PCDH15: variants seen among roughly 807,000 people sequenced by gnomAD.
The protein encoded by PCDH15 is protocadherin related 15.
Under a neutral mutation model 178.5 loss-of-function variants are expected in PCDH15, and 129 were observed. The ratio of observed to expected loss-of-function variants is 0.72; its 90% confidence interval spans 0.63 to 0.84. The LOEUF is 0.84. PCDH15 is among the 40% of genes least tolerant of loss of function. The pLI is 0.00. For missense variants in PCDH15, 2,230 were observed against 2,099.9 expected (o/e 1.06, Z -1.21); for synonymous variants, 800 against 732.0 (o/e 1.09, Z -1.50).
chr10:55,438,271 G>C (rs900157820), intron 2 of PCDH15, among the ~76,000 whole-genome samples: 1 of 151,484 alleles, frequency 6.6e-6, no homozygotes, highest in Non-Finnish European at 1.5e-5. Flanking sequence ...TGCCATCTAA[G>C]CATATGTTAC....
intron 2 of PCDH15, among the ~76,000 whole-genome samples, chr10:55,052,533 C>CTAAAAAA (rs1841190948): frequency 1.3e-5 from 1 of 78,022 alleles, no homozygotes; most frequent in African/African-American, 5.0e-5. Flanking sequence ...AACCCCGTCT[C>CTAAAAAA]ATACAAAAAA....
chr10:54,247,342 T>C (rs2056048363), intron 8 of PCDH15, among the ~76,000 whole-genome samples: 1 of 151,966 alleles, frequency 6.6e-6, no homozygotes, highest in Admixed American at 6.6e-5. Context: ...GTCTATTTTC[T>C]TTTATATCTG....
At chr10:53,959,444 A>G (rs1332712552) in intron 23 of PCDH15, among the ~76,000 whole-genome samples, 1 of 152,026 alleles carries the variant, frequency 6.6e-6, no homozygotes, top group African/African-American at 2.4e-5. Flanking sequence ...CACCATTCAG[A>G]TCATTAATTA....
At position 54,373,435 on chromosome 10, in the gene PCDH15, G is replaced by C. The variant is rs755819549; in HGVS notation, c.319-4160C>G. 4.9e-4 allele frequency among the ~76,000 whole-genome samples: 75 copies of C among 151,910 alleles called. 1 individual carries two copies. Among genetic ancestry groups the C allele is most frequent in the Non-Finnish European group, 9.3e-4 (63 of 67,888 alleles). On this transcript the variant is annotated intron_variant, in intron 4 of 37. Coordinates refer to ENST00000644397, the MANE Select transcript of PCDH15 (RefSeq NM_001384140.1). ...ATAAAAAAGCAAACTTAAAGGAAAT[G>C]GCTGGCCAGAGTTGTCAGTGTCCTT...
In PCDH15 at chr10:54,526,617, T is replaced by C. The variant is rs184655673; in HGVS notation, c.157+1195A>G. 1.2e-4 allele frequency among the ~76,000 whole-genome samples: 18 copies of C among 152,290 alleles called. No homozygotes were observed. In the East Asian group the frequency reaches 3.3e-3, roughly 28 times the overall value. Reference sequence around the variant, plus strand: ...ATAAATGCATCATAATAACTGTAACTCCATATGATTTTATTATGAATAAGG... The same window carrying C: ...ATAAATGCATCATAATAACTGTAACCCCATATGATTTTATTATGAATAAGG... On this transcript the variant is annotated intron_variant, in intron 3 of 37. Coordinates refer to ENST00000644397, the MANE Select transcript of PCDH15 (RefSeq NM_001384140.1).
intron 2 of PCDH15, among the ~76,000 whole-genome samples, chr10:55,121,876 T>C (rs529389670): frequency 1.3e-5 from 2 of 151,840 alleles, no homozygotes; most frequent in South Asian, 2.1e-4. Flanking sequence ...TCCAGTGCTT[T>C]GATCTCAAAC....
chr10:54,458,188 A>C (rs1311871388), intron 3 of PCDH15, among the ~76,000 whole-genome samples: 1 of 152,050 alleles, frequency 6.6e-6, no homozygotes. Flanking sequence ...TATTCCATAG[A>C]GTCTCTATTT....
intron 2 of PCDH15, among the ~76,000 whole-genome samples, chr10:55,094,929 C>CTTTTTTTTT (rs60073886): frequency 7.7e-6 from 1 of 130,384 alleles, no homozygotes; most frequent in African/African-American, 2.9e-5. Context: ...TATCCAAATT[C>CTTTTTTTTT]TTTTTTTTTT....
In PCDH15 at chr10:54,669,425, T is replaced by A. The variant is rs1307138987; in HGVS notation, c.-28-5135A>T. Among the ~76,000 whole-genome samples the A allele has an allele frequency of 3.3e-5, 5 of 151,238 alleles. No homozygotes were observed. In the South Asian group the frequency reaches 1.0e-3, roughly 32 times the overall value. ...CAATTTTATAGTACATTTATACATA[T>A]TTATATATAAAATTATGTTACATAG... On this transcript the variant is annotated intron_variant, in intron 1 of 37. Transcript: ENST00000644397.
chr10:54,326,239 T>C (rs1487188025), intron 7 of PCDH15, among the ~76,000 whole-genome samples: 2 of 152,128 alleles, frequency 1.3e-5, no homozygotes, highest in Non-Finnish European at 2.9e-5. Flanking sequence ...AGTTTTAAGT[T>C]ACAGATTTAA....
At chr10:53,892,076 G>C (rs1276074317) in intron 26 of PCDH15, among the ~76,000 whole-genome samples, 4 of 145,128 alleles carry the variant, frequency 2.8e-5, no homozygotes, top group African/African-American at 1.0e-4. Flanking sequence ...CCAGGCCGGA[G>C]TGCCGTGGTG....
chr10:54,052,637 T>C (rs2093802557), intron 18 of PCDH15, among the ~76,000 whole-genome samples: 1 of 152,110 alleles, frequency 6.6e-6, no homozygotes, highest in Non-Finnish European at 1.5e-5. Flanking sequence ...ACTTAGGACT[T>C]GGACTTTTGG....
chr10:54,479,352 A>G (rs889966417), intron 3 of PCDH15, among the ~76,000 whole-genome samples: 1 of 152,042 alleles, frequency 6.6e-6, no homozygotes, highest in African/African-American at 2.4e-5. Flanking sequence ...CAGCAAATGA[A>G]TAGTATTTAT....
At chr10:53,856,942 G>A (rs1032325424) in intron 28 of PCDH15, among the ~76,000 whole-genome samples, 55 of 152,108 alleles carry the variant, frequency 3.6e-4, no homozygotes, top group African/African-American at 1.3e-3. Context: ...GACACTGAGG[G>A]CTCCAAAAGG....
chr10:54,464,158 C>T (rs1464278020), intron 3 of PCDH15, among the ~76,000 whole-genome samples: 2 of 152,100 alleles, frequency 1.3e-5, no homozygotes, highest in Admixed American at 6.6e-5. Context: ...AGAAGCTCTC[C>T]AAGAGCTGGG....
intron 26 of PCDH15, among the ~76,000 whole-genome samples, chr10:53,892,900 C>A (rs759744601): frequency 6.6e-6 from 1 of 152,048 alleles, no homozygotes; most frequent in African/African-American, 2.4e-5. Context: ...CATCTGTCTG[C>A]ATTTGTGCCA....
At chr10:55,094,402 G>A (rs1212368522) in intron 2 of PCDH15, among the ~76,000 whole-genome samples, 2 of 151,736 alleles carry the variant, frequency 1.3e-5, no homozygotes, top group East Asian at 1.9e-4. Context: ...GGGGTAGGGG[G>A]ATGGGGGAGG....
At chr10:55,433,788 C>T (rs1838952249) in intron 2 of PCDH15, among the ~76,000 whole-genome samples, 1 of 151,874 alleles carries the variant, frequency 6.6e-6, no homozygotes, top group Non-Finnish European at 1.5e-5. Flanking sequence ...TTTCAATTCA[C>T]TTGGGATGTA....
intron 2 of PCDH15, among the ~76,000 whole-genome samples, chr10:55,148,283 AT>A (rs1189068209): frequency 6.6e-6 from 1 of 151,878 alleles, no homozygotes; most frequent in Non-Finnish European, 1.5e-5. Flanking sequence ...ACAGATTGAG[AT>A]TTCCTCAAAA....
Sources: gnomAD v4.1 joint callset for allele counts (sites outside exome capture counted in the v4.1 genomes callset) on GRCh38, gnomAD v4.1.1 for gene constraint, MANE v1.5 for transcripts, NCBI Gene and HGNC (gene_info 2026-07-23, HGNC 2026-07-21) for gene names.